METTL22: variants seen among roughly 807,000 people sequenced by gnomAD.
METTL22 encodes methyltransferase 22, Kin17 lysine.
In METTL22, 51 loss-of-function variants were observed where a neutral mutation model predicts 48.4. That is an observed-to-expected ratio of 1.05 (90% CI 0.84 to 1.33). The LOEUF is 1.33. Ranked by LOEUF, METTL22 falls within the 40% of genes most tolerant of loss-of-function variation. The probability of loss-of-function intolerance (pLI) is 0.00; values close to 1 mark genes in which losing one functional copy is unlikely to be tolerated. For synonymous variants in METTL22, 255 were observed against 214.1 expected, an observed-to-expected ratio of 1.19 and a Z score of -1.67; for missense variants, 678 against 526.9, an observed-to-expected ratio of 1.29 and a Z score of -2.81.
downstream of METTL22, among the ~76,000 whole-genome samples, chr16:8,651,277 T>C (rs953309176): frequency 1.2e-4 from 18 of 145,824 alleles, no homozygotes; most frequent in African/African-American, 4.3e-4. Flanking sequence ...GTCCCAGCTA[T>C]TCGGGAGGCT....
At chr16:8,626,372 AG>A (rs1329389556) in intron 2 of METTL22, among the ~76,000 whole-genome samples, 3 of 151,540 alleles carry the variant, frequency 2.0e-5, no homozygotes, top group Non-Finnish European at 4.4e-5. Context: ...GATACGAATG[AG>A]CCAAACTTTG....
At chr16:8,656,166 G>A in the METTL22 span, among the ~76,000 whole-genome samples, 85,736 of 151,914 alleles carry the variant, frequency 0.56, 26,231 homozygotes, top group East Asian at 0.85. Flanking sequence ...CCACGGCCTC[G>A]AACTGCTTGG....
At chr16:8,643,317 G>T (rs2056682146) in intron 9 of METTL22, among the ~76,000 whole-genome samples, 3 of 152,228 alleles carry the variant, frequency 2.0e-5, no homozygotes, top group Admixed American at 2.0e-4. Flanking sequence ...GCAATGTACA[G>T]ACCTCATTTG....
chr16:8,641,907 A>G (rs2056630592), intron 7 of METTL22: 2 of 605,570 alleles, frequency 3.3e-6, no homozygotes, highest in Non-Finnish European at 5.9e-6. Flanking sequence ...CACTGGCTAG[A>G]GCAGACACTC....
In METTL22 at chr16:8,621,787, G is replaced by T. The variant is rs1223215086; in HGVS notation, c.-171+12G>T. The T allele has an allele frequency of 6.6e-6, 1 of 152,302 alleles. No individual in the cohort carries two copies. The highest frequency in any genetic ancestry group is 1.9e-4 in the East Asian group (1 of 5,188). 9.4% of individuals were successfully genotyped at this position (152,302 alleles called of 1,614,324 possible). A position where few individuals can be genotyped will look rare whatever the true frequency, so the allele number is the denominator to read the frequency against. ...GGGCCCCGCGGCGGGTAAGTGCCTG[G>T]GAGAGGCGGCGGGATAGGGTAGGGT... On this transcript the variant is annotated intron_variant, in intron 1 of 10. Coordinates refer to ENST00000381920, the MANE Select transcript of METTL22 (RefSeq NM_024109.4).
At chr16:8,636,921 A>C (rs1237320551) in intron 5 of METTL22, among the ~76,000 whole-genome samples, 2 of 152,226 alleles carry the variant, frequency 1.3e-5, no homozygotes, top group African/African-American at 4.8e-5. Context: ...TAATCCAGCA[A>C]GTGCCATATG....
chr16:8,639,380 A>C, intron 6 of METTL22: 1 of 585,432 alleles, frequency 1.7e-6, no homozygotes, highest in South Asian at 2.0e-5. Context: ...GCGTCATCCT[A>C]CTCCAGCTCT....
rs530526653 is a variant in METTL22, at chr16:8,635,278, C to T, written c.666C>T (p.Ile222=). The change falls in exon 5 of 11, where the codon ATC becomes ATT. Residue 222 remains isoleucine, a synonymous_variant. Transcript: ENST00000381920. ...CCGGCACGGGGCTCGCTAGCATCATCGCAGCCACCATGGCACGGACCGTTT... is the reference window on the plus strand; with the variant it reads ...CCGGCACGGGGCTCGCTAGCATCATTGCAGCCACCATGGCACGGACCGTTT... ...LGAGTGLASI[I]AATMARTVYC... 7 of 1,600,372 alleles carry T rather than the reference C, an allele frequency of 4.4e-6. No homozygotes were observed. Among genetic ancestry groups the T allele is most frequent in the South Asian group, 1.1e-5 (1 of 90,104 alleles).
chr16:8,627,542 C>T (rs1408700988), intron 2 of METTL22, among the ~76,000 whole-genome samples: 2 of 152,116 alleles, frequency 1.3e-5, no homozygotes, highest in African/African-American at 4.8e-5. Flanking sequence ...TCCCATTGAC[C>T]TCCTGCCCTA....
downstream of METTL22, among the ~76,000 whole-genome samples, chr16:8,650,846 A>G (rs2056883739): frequency 6.6e-6 from 1 of 152,096 alleles, no homozygotes; most frequent in Non-Finnish European, 1.5e-5. Flanking sequence ...CCAACATGAC[A>G]AAACCCCGTA....
the METTL22 span, among the ~76,000 whole-genome samples, chr16:8,661,055 C>T: frequency 1.9e-3 from 285 of 152,264 alleles, no homozygotes; most frequent in Middle Eastern, 6.8e-3. Flanking sequence ...TTCTCCTCCC[C>T]CAGGTTCCGC....
At chr16:8,622,498 T>C (rs1489377441) in intron 1 of METTL22, among the ~76,000 whole-genome samples, 1 of 151,926 alleles carries the variant, frequency 6.6e-6, no homozygotes, top group Non-Finnish European at 1.5e-5. Flanking sequence ...GCAACCTGGG[T>C]CTCCTTTCTC....
chr16:8,636,652 G>GTT lies in METTL22; in HGVS notation c.700+1348_700+1349dup, dbSNP rs145745373. ...TATGGGTTTTGGTTTTTTGGTTTTT[G>GTT]TTTTTTTTTGCATTTGTCAGTTACA... On this transcript the variant is annotated intron_variant, in intron 5 of 10. Transcript: ENST00000381920. Among the ~76,000 whole-genome samples the GTT allele has an allele frequency of 1.7e-3, 250 of 147,980 alleles. 2 individuals carry two copies. Among genetic ancestry groups the GTT allele is most frequent in the East Asian group, 8.4e-3 (43 of 5,126 alleles).
At position 8,641,111 on chromosome 16, in the gene METTL22, CTT is replaced by C; in HGVS notation, c.773-16_773-15del. On this transcript the variant is annotated intron_variant, in intron 6 of 10. Transcript: ENST00000381920. ...TGATGTTTAGAGTTTGGAAAGTTCTCTTTTTGTTTGTTTTTACAGGTGGTATA... is the reference window on the plus strand; with the variant it reads ...TGATGTTTAGAGTTTGGAAAGTTCTCTTTGTTTGTTTTTACAGGTGGTATA... 6.2e-7 allele frequency: 1 copy of C among 1,612,846 alleles called. No individual in the cohort carries two copies.
chr16:8,644,347 C>G (rs1217390869), intron 9 of METTL22: 1 of 460,230 alleles, frequency 2.2e-6, no homozygotes, highest in Non-Finnish European at 3.9e-6. Flanking sequence ...GTTTCCACAT[C>G]TGTAAAGTGC....
chr16:8,627,934 T>A (rs966737365), intron 2 of METTL22, among the ~76,000 whole-genome samples: 2 of 152,076 alleles, frequency 1.3e-5, no homozygotes, highest in Non-Finnish European at 2.9e-5. Context: ...GAGAAGGGGA[T>A]TTACCATGTT....
At chr16:8,637,288 G>C (rs1288207060) in intron 5 of METTL22, among the ~76,000 whole-genome samples, 2 of 152,208 alleles carry the variant, frequency 1.3e-5, no homozygotes, top group African/African-American at 4.8e-5. Flanking sequence ...GGAGTCTGCA[G>C]TGCAGCCACG....
chr16:8,640,169 G>T (rs958594094), intron 6 of METTL22, among the ~76,000 whole-genome samples: 1 of 152,200 alleles, frequency 6.6e-6, no homozygotes, highest in African/African-American at 2.4e-5. Context: ...GTCTGCATTT[G>T]CTCTGCACTG....
rs1450876879 is a variant in METTL22 at position 8,647,868 on chromosome 16, G to C, written c.*1725G>C. On this transcript the variant is annotated 3_prime_UTR_variant, in exon 11 of 11. Transcript: ENST00000381920. ...TTGCACATGAGAAATCCAAAATTCA[G>C]AGAGGTTCAGCAACTTGCCCAACAT... 3.3e-5 allele frequency: 5 copies of C among 152,270 alleles called. No homozygotes were observed. The highest frequency in any genetic ancestry group is 5.9e-5 in the Non-Finnish European group (4 of 68,070). The allele number at this position is 152,270 out of a possible 1,614,324, so 9.4% of individuals were successfully genotyped here.
Sources: gnomAD v4.1 joint callset for allele counts (sites outside exome capture counted in the v4.1 genomes callset) on GRCh38, gnomAD v4.1.1 for gene constraint, MANE v1.5 for transcripts, NCBI Gene and HGNC (gene_info 2026-07-23, HGNC 2026-07-21) for gene names.